The following TSHZ2 variants were observed in gnomAD, a reference collection of about 807,000 sequenced individuals.
TSHZ2 encodes the protein teashirt homolog 2.
TSHZ2 carries 21 observed loss-of-function variants against 74.4 expected under a neutral mutation model. The ratio of observed to expected loss-of-function variants is 0.28; its 90% confidence interval spans 0.20 to 0.41. TSHZ2 has a LOEUF of 0.41. TSHZ2 is among the 10% of genes least tolerant of loss of function. The probability of loss-of-function intolerance (pLI) is 1.00; values close to 1 mark genes in which losing one functional copy is unlikely to be tolerated. For missense variants in TSHZ2, 1,244 were observed against 1,293.5 expected (o/e 0.96, Z 0.59); for synonymous variants, 540 against 515.3 (o/e 1.05, Z -0.65).
At chr20:53,240,372 A>T (rs957265630) in intron 1 of TSHZ2, among the ~76,000 whole-genome samples, 2 of 152,128 alleles carry the variant, frequency 1.3e-5, no homozygotes, top group African/African-American at 4.8e-5. Context: ...AGTGTCTCCT[A>T]TGATGTACCC....
At chr20:53,078,101 C>T (rs1466065317) in intron 1 of TSHZ2, among the ~76,000 whole-genome samples, 4 of 152,176 alleles carry the variant, frequency 2.6e-5, no homozygotes, top group Non-Finnish European at 4.4e-5. Context: ...GAATGACATG[C>T]GAAGAGCTTC....
intron 1 of TSHZ2, among the ~76,000 whole-genome samples, chr20:53,103,149 C>G (rs1404877843): frequency 6.6e-6 from 1 of 152,096 alleles, no homozygotes; most frequent in Non-Finnish European, 1.5e-5. Context: ...GTAGAAGGAA[C>G]AGTTTCTCAT....
At chr20:53,250,170 C>G (rs539928031) in intron 1 of TSHZ2, among the ~76,000 whole-genome samples, 6 of 152,322 alleles carry the variant, frequency 3.9e-5, no homozygotes, top group Admixed American at 2.6e-4. Context: ...GAAGTTTGAT[C>G]TTCGACCCCC....
chr20:53,388,544 A>T (rs6013672), intron 2 of TSHZ2, among the ~76,000 whole-genome samples: 16,551 of 151,922 alleles, frequency 0.11, 2,527 homozygotes, highest in African/African-American at 0.34. Flanking sequence ...TGCCAGTTGA[A>T]CATACTCACC....
chr20:53,301,498 A>C (rs1226592179), intron 2 of TSHZ2, among the ~76,000 whole-genome samples: 1 of 152,182 alleles, frequency 6.6e-6, no homozygotes, highest in Non-Finnish European at 1.5e-5. Context: ...ACAGTTGCTA[A>C]TGGTATTAGG....
At chr20:53,222,124 ATTC>A (rs923735231) in intron 1 of TSHZ2, among the ~76,000 whole-genome samples, 3 of 152,178 alleles carry the variant, frequency 2.0e-5, no homozygotes, top group Non-Finnish European at 2.9e-5. Flanking sequence ...GATAGAGACC[ATTC>A]TTTTTCCTAT....
At chr20:53,170,441 C>T (rs969444382) in intron 1 of TSHZ2, among the ~76,000 whole-genome samples, 1 of 152,226 alleles carries the variant, frequency 6.6e-6, no homozygotes, top group Non-Finnish European at 1.5e-5. Context: ...GGCATCTCTT[C>T]TCTCTCCTAA....
chr20:53,405,207 C>CCATG (rs1173725926), intron 2 of TSHZ2, among the ~76,000 whole-genome samples: 1 of 148,486 alleles, frequency 6.7e-6, no homozygotes, highest in African/African-American at 2.6e-5. Context: ...TGAGATTGCA[C>CCATG]CATGGCACTC....
intron 2 of TSHZ2, among the ~76,000 whole-genome samples, chr20:53,434,971 T>C (rs560698428): frequency 5.9e-5 from 9 of 152,366 alleles, no homozygotes; most frequent in African/African-American, 2.2e-4. Flanking sequence ...GGAGAACATG[T>C]GCTTTCTTTT....
At chr20:53,139,113 C>G (rs191562435) in intron 1 of TSHZ2, among the ~76,000 whole-genome samples, 115 of 152,334 alleles carry the variant, frequency 7.5e-4, no homozygotes, top group African/African-American at 2.6e-3. Context: ...TACTCTGAAA[C>G]ATTTACCCTT....
intron 1 of TSHZ2, among the ~76,000 whole-genome samples, chr20:53,126,052 T>C (rs1392429508): frequency 6.6e-6 from 1 of 152,212 alleles, no homozygotes; most frequent in Non-Finnish European, 1.5e-5. Context: ...TTTATGAAAT[T>C]CCCAGATTCA....
chr20:53,334,922 TC>T (rs1278451509), intron 2 of TSHZ2, among the ~76,000 whole-genome samples: 3 of 152,120 alleles, frequency 2.0e-5, no homozygotes, highest in Admixed American at 1.3e-4. Context: ...GACCTTATGA[TC>T]CACCAGCCTC....
At chr20:53,360,187 A>G (rs1320154325) in intron 2 of TSHZ2, among the ~76,000 whole-genome samples, 2 of 152,268 alleles carry the variant, frequency 1.3e-5, no homozygotes, top group Non-Finnish European at 2.9e-5. Flanking sequence ...TACACTTTGT[A>G]AATGTAGTAT....
chr20:53,094,457 G>C (rs1232309379), intron 1 of TSHZ2, among the ~76,000 whole-genome samples: 2 of 152,116 alleles, frequency 1.3e-5, no homozygotes, highest in African/African-American at 4.8e-5. Flanking sequence ...TTCTACACCT[G>C]GGTGAAAGTC....
intron 1 of TSHZ2, among the ~76,000 whole-genome samples, chr20:53,200,632 TGGGGATTTG>T (rs1353404019): frequency 6.6e-5 from 10 of 151,964 alleles, no homozygotes; most frequent in Admixed American, 3.9e-4. Context: ...GCTGCGTTTT[TGGGGATTTG>T]GGGGATTTTT....
rs1208355107 is a variant in TSHZ2, at chr20:53,441,646, G to A, written c.*9-45498G>A. On this transcript the variant is annotated intron_variant, in intron 2 of 2. Coordinates refer to ENST00000371497, the MANE Select transcript of TSHZ2 (RefSeq NM_173485.6). ...CACCCAGGCTGGAGTGTAGTAGTGC[G>A]ATCTCAGCTCACTGCAACCCCTGCC... Among the ~76,000 whole-genome samples the A allele has an allele frequency of 5.9e-5, 9 of 151,724 alleles. No homozygotes were observed. The East Asian group carries it at 7.8e-4, about 13-fold the overall frequency.
intron 1 of TSHZ2, among the ~76,000 whole-genome samples, chr20:52,992,221 C>T (rs1019793901): frequency 6.6e-6 from 1 of 152,128 alleles, no homozygotes; most frequent in Non-Finnish European, 1.5e-5. Flanking sequence ...ATTTGCAGTA[C>T]CTGGAACACA....
At chr20:53,455,609 T>G (rs552957477) in intron 2 of TSHZ2, among the ~76,000 whole-genome samples, 13 of 152,116 alleles carry the variant, frequency 8.5e-5, no homozygotes, top group Non-Finnish European at 1.6e-4. Flanking sequence ...CATGTGCACA[T>G]TGTGCAGGTT....
At chr20:53,078,374 C>T (rs1985428766) in intron 1 of TSHZ2, among the ~76,000 whole-genome samples, 1 of 151,870 alleles carries the variant, frequency 6.6e-6, no homozygotes, top group Non-Finnish European at 1.5e-5. Context: ...AGAAGATTTG[C>T]CAAGTCCAAG....
Sources: allele counts gnomAD v4.1 joint callset (sites outside exome capture counted in the v4.1 genomes callset), GRCh38; gene constraint gnomAD v4.1.1; transcripts MANE v1.5; gene names NCBI Gene and HGNC (gene_info 2026-07-23, HGNC 2026-07-21).